The following KLF12 variants were observed in gnomAD, a reference collection of about 807,000 sequenced individuals.
KLF12 encodes Krueppel-like factor 12.
Under a neutral mutation model 37.8 loss-of-function variants are expected in KLF12, and 9 were observed. That is an observed-to-expected ratio of 0.24 (90% confidence interval 0.14 to 0.42). KLF12 has a LOEUF of 0.42. KLF12 is among the 10% of genes least tolerant of loss of function. The probability of loss-of-function intolerance (pLI) is 1.00; values close to 1 mark genes in which losing one functional copy is unlikely to be tolerated. For missense variants in KLF12, 411 were observed against 516.0 expected (o/e 0.80, Z 1.97); for synonymous variants, 208 against 202.1 (o/e 1.03, Z -0.25).
At chr13:74,144,136 A>G in the KLF12 span, among the ~76,000 whole-genome samples, 1 of 152,210 alleles carries the variant, frequency 6.6e-6, no homozygotes, top group Non-Finnish European at 1.5e-5. Context: ...CCTAGCATGT[A>G]GTAGGCACTC....
chr13:73,732,249 A>G (rs763455690), intron 6 of KLF12, among the ~76,000 whole-genome samples: 47 of 151,404 alleles, frequency 3.1e-4, no homozygotes, highest in Non-Finnish European at 5.3e-4. Context: ...ACACCTGGCT[A>G]ATTTTTTTTT....
At position 73,688,394 on chromosome 13, in the gene KLF12, C is replaced by T. The variant is rs949315731; in HGVS notation, c.*7096G>A. 2 of 152,166 alleles carry T rather than the reference C, an allele frequency of 1.3e-5. No homozygotes were observed. The highest frequency in any genetic ancestry group is 4.8e-5 in the African/African-American group (2 of 41,444). 9.4% of individuals were successfully genotyped at this position (152,166 alleles called of 1,614,324 possible). On this transcript the variant is annotated 3_prime_UTR_variant, in exon 8 of 8. Coordinates refer to ENST00000377669, the MANE Select transcript of KLF12 (RefSeq NM_007249.5). ...TATCTCTCCTTTATCATCATCTGAA[C>T]GTTTGATTGCCACCCCATTACCAAC...
rs1594065522 is a variant in KLF12 at position 73,765,636 on chromosome 13, T to A, written c.807-636A>T. Among the ~76,000 whole-genome samples, 4 of 152,304 alleles carry A rather than the reference T, an allele frequency of 2.6e-5. No individual in the cohort carries two copies. The South Asian group carries it at 8.3e-4, about 32-fold the overall frequency. On this transcript the variant is annotated intron_variant, in intron 5 of 7. Coordinates refer to ENST00000377669, the MANE Select transcript of KLF12 (RefSeq NM_007249.5). ...GTGAAGAATATATTGCTTTCCAAGC[T>A]TCCAGGATTGGACTTATCCACTGGA...
chr13:73,984,794 T>G (rs150781432), intron 2 of KLF12, among the ~76,000 whole-genome samples: 1,813 of 152,332 alleles, frequency 0.012, 19 homozygotes, highest in African/African-American at 0.029. Flanking sequence ...ACGTTACGGA[T>G]TCCTCCAGTT....
intron 7 of KLF12, 38 bp downstream of exon 7, chr13:73,715,330 T>C: frequency 6.3e-7 from 1 of 1,590,476 alleles, no homozygotes; most frequent in East Asian, 2.2e-5. Flanking sequence ...TTATGGACTC[T>C]CACTGGCTCA....
the KLF12 span, among the ~76,000 whole-genome samples, chr13:74,245,342 A>ATCT: frequency 7.0e-6 from 1 of 143,872 alleles, no homozygotes; most frequent in Non-Finnish European, 1.6e-5. Flanking sequence ...TCTATCTATC[A>ATCT]TCTACAACAT....
intron 2 of KLF12, among the ~76,000 whole-genome samples, chr13:73,984,208 T>C (rs1891760844): frequency 6.6e-6 from 1 of 152,180 alleles, no homozygotes; most frequent in Non-Finnish European, 1.5e-5. Flanking sequence ...TTTTCAGAAC[T>C]GTCTTCCCTG....
At chr13:73,962,434 C>T (rs926843673) in intron 2 of KLF12, among the ~76,000 whole-genome samples, 5 of 152,116 alleles carry the variant, frequency 3.3e-5, no homozygotes, top group Non-Finnish European at 7.4e-5. Flanking sequence ...TTGTCAAAAC[C>T]CACAGAATGT....
rs760215351 is a variant in KLF12, at chr13:73,726,909, TTG to T, written c.870-11386_870-11385del. 1.2e-4 allele frequency among the ~76,000 whole-genome samples: 18 copies of T among 152,222 alleles called. 1 individual carries two copies. The highest frequency in any genetic ancestry group is 2.5e-4 in the Non-Finnish European group (17 of 68,032). Reference sequence around the variant, plus strand: ...GTACCATTTTATAATTTAACCAGTATTGTGAGAAAGATCCAATTTTTCCACAT... The same window carrying T: ...GTACCATTTTATAATTTAACCAGTATTGAGAAAGATCCAATTTTTCCACAT... On this transcript the variant is annotated intron_variant, in intron 6 of 7. Transcript: ENST00000377669.
chr13:74,105,286 T>C (rs1876593342), intron 1 of KLF12, among the ~76,000 whole-genome samples: 2 of 152,202 alleles, frequency 1.3e-5, no homozygotes, highest in African/African-American at 4.8e-5. Flanking sequence ...GCAATACAAA[T>C]ATATGAGTTT....
At chr13:73,980,816 C>CA (rs1366340761) in intron 2 of KLF12, among the ~76,000 whole-genome samples, 1 of 152,062 alleles carries the variant, frequency 6.6e-6, no homozygotes, top group Non-Finnish European at 1.5e-5. Context: ...AGCAGACACC[C>CA]ACAGTTAGTA....
chr13:73,889,437 G>A (rs1187867063), intron 3 of KLF12, among the ~76,000 whole-genome samples: 1 of 152,074 alleles, frequency 6.6e-6, no homozygotes, highest in Non-Finnish European at 1.5e-5. Context: ...TCTACAATGT[G>A]GGAATTATTA....
intron 1 of KLF12, among the ~76,000 whole-genome samples, chr13:74,017,581 A>AC (rs201321163): frequency 0.019 from 2,724 of 146,088 alleles, 41 homozygotes; most frequent in Non-Finnish European, 0.031. Context: ...CCAAAAAAAA[A>AC]CCTTTTTAAG....
At chr13:73,855,097 T>C (rs1885536256) in intron 3 of KLF12, among the ~76,000 whole-genome samples, 1 of 152,242 alleles carries the variant, frequency 6.6e-6, no homozygotes, top group Non-Finnish European at 1.5e-5. Context: ...TGGATTTATT[T>C]ATTTTTCAAA....
At chr13:73,758,591 A>C (rs1484914700) in intron 6 of KLF12, among the ~76,000 whole-genome samples, 1 of 152,150 alleles carries the variant, frequency 6.6e-6, no homozygotes, top group East Asian at 1.9e-4. Context: ...TTAGGTTTCC[A>C]GTACAATATT....
At chr13:73,948,573 C>A (rs568662329) in intron 2 of KLF12, among the ~76,000 whole-genome samples, 1 of 152,294 alleles carries the variant, frequency 6.6e-6, no homozygotes, top group East Asian at 1.9e-4. Flanking sequence ...AAAGTAACAT[C>A]CTGTGGGTAC....
intron 3 of KLF12, among the ~76,000 whole-genome samples, chr13:73,934,196 A>G (rs144140767): frequency 7.4e-4 from 113 of 152,208 alleles, no homozygotes; most frequent in African/African-American, 2.5e-3. Context: ...GGTCCTGACA[A>G]CTGTATCTGG....
chr13:73,915,510 G>C (rs562196399), intron 3 of KLF12, among the ~76,000 whole-genome samples: 1 of 151,140 alleles, frequency 6.6e-6, no homozygotes, highest in Non-Finnish European at 1.5e-5. Context: ...TTCTTTTTCA[G>C]TTTTGTTTCT....
At chr13:73,758,850 A>G (rs1195357131) in intron 6 of KLF12, among the ~76,000 whole-genome samples, 1 of 152,156 alleles carries the variant, frequency 6.6e-6, no homozygotes. Flanking sequence ...TTTATCATGA[A>G]TCTCTCTTGC....
Sources: allele counts gnomAD v4.1 joint callset (sites outside exome capture counted in the v4.1 genomes callset), GRCh38; gene constraint gnomAD v4.1.1; transcripts MANE v1.5; gene names NCBI Gene and HGNC (gene_info 2026-07-23, HGNC 2026-07-21).